Variants in ARHGEF7 observed in about 807,000 individuals in gnomAD.
ARHGEF7 encodes PAK-interacting exchange factor beta.
ARHGEF7 carries 33 observed loss-of-function variants against 109.8 expected under a neutral mutation model. The observed-to-expected ratio is 0.30, with a 90% CI of 0.23 to 0.40. The LOEUF (loss-of-function observed/expected upper bound fraction) is 0.40. Among genes scored for constraint, ARHGEF7 ranks in the 10% least tolerant of loss-of-function variants. The pLI is 1.00. For missense variants in ARHGEF7, 938 were observed against 1,098.5 expected (o/e 0.85, Z 2.07); for synonymous variants, 458 against 424.6 (o/e 1.08, Z -0.97).
intron 2 of ARHGEF7, among the ~76,000 whole-genome samples, chr13:111,198,892 C>G (rs1227342807): frequency 7.2e-6 from 1 of 139,746 alleles, no homozygotes; most frequent in Non-Finnish European, 1.6e-5. Flanking sequence ...ACACAGAGCT[C>G]TGATTGGTGC....
At chr13:111,287,526 A>T (rs2093072809) in intron 17 of ARHGEF7, among the ~76,000 whole-genome samples, 1 of 152,228 alleles carries the variant, frequency 6.6e-6, no homozygotes, top group Non-Finnish European at 1.5e-5. Context: ...TAGTAGGAGG[A>T]TACAGACAAG....
chr13:111,285,026 T>G (rs372173554), intron 16 of ARHGEF7, among the ~76,000 whole-genome samples: 1 of 152,248 alleles, frequency 6.6e-6, no homozygotes, highest in African/African-American at 2.4e-5. Flanking sequence ...GAAATACTTT[T>G]GTTTAACTTT....
chr13:111,301,629 A>G (rs2093570346), intron 21 of ARHGEF7, 97 bp downstream of exon 21: 1 of 1,019,336 alleles, frequency 9.8e-7, no homozygotes, highest in Non-Finnish European at 1.5e-6. Flanking sequence ...ACGGTGGCTC[A>G]CACCTATAAT....
intron 13 of ARHGEF7, 114 bp downstream of exon 13, chr13:111,277,787 A>T: frequency 1.4e-6 from 1 of 693,026 alleles, no homozygotes; most frequent in Non-Finnish European, 2.5e-6. Context: ...CTGTGTGTGT[A>T]GTGCTGTATA....
chr13:111,133,423 C>T (rs980162414), intron 1 of ARHGEF7, among the ~76,000 whole-genome samples: 1 of 152,060 alleles, frequency 6.6e-6, no homozygotes, highest in African/African-American at 2.4e-5. Flanking sequence ...CACATATATA[C>T]ATACGTTTCA....
intron 2 of ARHGEF7, among the ~76,000 whole-genome samples, chr13:111,159,545 C>G (rs1249752110): frequency 6.6e-6 from 1 of 152,228 alleles, no homozygotes; most frequent in Non-Finnish European, 1.5e-5. Context: ...TTGCCAACAC[C>G]TGTCGCCTTT....
chr13:111,177,525 G>C (rs2078286280), intron 2 of ARHGEF7, among the ~76,000 whole-genome samples: 1 of 152,322 alleles, frequency 6.6e-6, no homozygotes, highest in Non-Finnish European at 1.5e-5. Flanking sequence ...CACCCCCTGA[G>C]AATGTGTTCT....
At chr13:111,215,965 G>A (rs934365357) in intron 4 of ARHGEF7, among the ~76,000 whole-genome samples, 2 of 152,228 alleles carry the variant, frequency 1.3e-5, no homozygotes, top group African/African-American at 4.8e-5. Context: ...AAAGTGGTGC[G>A]TGGGAGGTAA....
intron 15 of ARHGEF7, chr13:111,280,912 A>T (rs1045266979): frequency 5.3e-6 from 2 of 375,926 alleles, no homozygotes; most frequent in African/African-American, 4.2e-5. Flanking sequence ...CACAGTTCAG[A>T]GGTGCTTGGG....
chr13:111,187,691 C>A (rs1274961347), intron 2 of ARHGEF7, among the ~76,000 whole-genome samples: 7 of 152,218 alleles, frequency 4.6e-5, no homozygotes, highest in Non-Finnish European at 1.0e-4. Context: ...TGAATTTCTA[C>A]ACTTCCTATG....
rs925577960 is a variant in ARHGEF7, at chr13:111,305,079, G to A, written c.*1966G>A. ...TCCGAGTCCCCAGGACGGATCTCCT[G>A]CAGACCTGCCTTAATGCTCAGATCG... is the stretch of plus-strand genomic sequence containing the variant. On this transcript the variant is annotated 3_prime_UTR_variant, in exon 22 of 22. Coordinates refer to ENST00000646102, the MANE Select transcript of ARHGEF7 (RefSeq NM_001354046.2). 6.6e-6 allele frequency: 1 copy of A among 152,234 alleles called. No homozygotes were observed. Among genetic ancestry groups the A allele is most frequent in the East Asian group, 1.9e-4 (1 of 5,196 alleles). The allele number at this position is 152,234 out of a possible 1,614,324, so 9.4% of individuals were successfully genotyped here.
chr13:111,291,086 T>C (rs191556665), intron 18 of ARHGEF7, among the ~76,000 whole-genome samples: 2 of 152,352 alleles, frequency 1.3e-5, no homozygotes, highest in Admixed American at 1.3e-4. Context: ...CAGTCTGTTA[T>C]GATGTAGTTC....
chr13:111,247,968 T>C (rs1361415232), intron 8 of ARHGEF7, among the ~76,000 whole-genome samples: 1 of 152,202 alleles, frequency 6.6e-6, no homozygotes, highest in African/African-American at 2.4e-5. Context: ...CATGTTTGTT[T>C]TCTCAGTATT....
chr13:111,273,819 A>T lies in ARHGEF7; in HGVS notation c.1079A>T (p.Glu360Val). ...AVNVLTEHSE[E>V]LGEFMETKGA... ...TCTTGCCACTTGCTGCCCAGTGAGGAGTTGGGGGAGTTCATGGAGACCAAA... is the reference window on the plus strand; with the variant it reads ...TCTTGCCACTTGCTGCCCAGTGAGGTGTTGGGGGAGTTCATGGAGACCAAA... The change falls in exon 10 of 22, where the codon GAG becomes GTG. Residue 360 changes from glutamate (E) to valine (V), a missense_variant. Transcript: ENST00000646102. The surrounding 1 kb of genome is among the most constrained non-coding windows in gnomAD (Gnocchi z 4.5). 1.9e-6 allele frequency: 3 copies of T among 1,614,084 alleles called. No individual in the cohort carries two copies. The highest frequency in any genetic ancestry group is 2.5e-6 in the Non-Finnish European group (3 of 1,180,010).
chr13:111,286,469 C>T (rs1212930442), intron 17 of ARHGEF7, among the ~76,000 whole-genome samples: 1 of 152,202 alleles, frequency 6.6e-6, no homozygotes, highest in Non-Finnish European at 1.5e-5. Context: ...GCACCACTGC[C>T]TTATAGCCCC....
At chr13:111,242,675 C>T (rs928157609) in intron 6 of ARHGEF7, among the ~76,000 whole-genome samples, 3 of 152,234 alleles carry the variant, frequency 2.0e-5, no homozygotes, top group African/African-American at 7.2e-5. Context: ...GGATCCTCAG[C>T]GTGCTCCTCA....
At chr13:111,154,657 T>C (rs2076163550) in intron 2 of ARHGEF7, among the ~76,000 whole-genome samples, 1 of 152,250 alleles carries the variant, frequency 6.6e-6, no homozygotes, top group African/African-American at 2.4e-5. Flanking sequence ...TGTGTCACTT[T>C]ACTAAACATT....
At position 111,228,565 on chromosome 13, in the gene ARHGEF7, C is replaced by A. The variant is rs906159562; in HGVS notation, c.671-4640C>A. Among the ~76,000 whole-genome samples the A allele has an allele frequency of 3.3e-5, 5 of 152,134 alleles. No homozygotes were observed. Among genetic ancestry groups the A allele is most frequent in the Non-Finnish European group, 5.9e-5 (4 of 68,020 alleles). On this transcript the variant is annotated intron_variant, in intron 5 of 21. Coordinates refer to ENST00000646102, the MANE Select transcript of ARHGEF7 (RefSeq NM_001354046.2). The surrounding 1 kb of genome is among the most constrained non-coding windows in gnomAD (Gnocchi z 4.6). ...TATGTTTATGTATATTTTTAAGTTT[C>A]TAAAAGTTTGGGAAAAAGTAATGGC...
At chr13:111,158,283 T>G (rs1157437800) in intron 2 of ARHGEF7, among the ~76,000 whole-genome samples, 1 of 152,176 alleles carries the variant, frequency 6.6e-6, no homozygotes, top group African/African-American at 2.4e-5. Flanking sequence ...CATCACTACT[T>G]GAAAGGAAAA....
Sources: allele counts gnomAD v4.1 joint callset (sites outside exome capture counted in the v4.1 genomes callset), GRCh38; gene constraint gnomAD v4.1.1; non-coding constraint Gnocchi (gnomAD v3.1); transcripts MANE v1.5; gene names NCBI Gene and HGNC (gene_info 2026-07-23, HGNC 2026-07-21).